RAPGEF6: variants seen among roughly 807,000 people sequenced by gnomAD.
RAPGEF6 encodes the protein PDZ domain containing guanine nucleotide exchange factor (GEF) 2.
In RAPGEF6, 56 loss-of-function variants were observed where a neutral mutation model predicts 171.4. That is an observed-to-expected ratio of 0.33 (90% confidence interval 0.26 to 0.41). The LOEUF is 0.41. Among genes scored for constraint, RAPGEF6 ranks in the 10% least tolerant of loss-of-function variants. The pLI is 1.00. For missense variants in RAPGEF6, 1,674 were observed against 1,921.4 expected, an observed-to-expected ratio of 0.87 and a Z score of 2.41; for synonymous variants, 692 against 650.1, an observed-to-expected ratio of 1.06 and a Z score of -0.98.
intron 6 of RAPGEF6, among the ~76,000 whole-genome samples, chr5:131,528,298 AAT>A (rs1307724358): frequency 9.9e-6 from 1 of 101,010 alleles, no homozygotes; most frequent in Non-Finnish European, 1.9e-5. Context: ...AATAAAATAA[AAT>A]AATATATTTA....
intron 4 of RAPGEF6, among the ~76,000 whole-genome samples, chr5:131,564,895 G>T (rs1336221193): frequency 6.6e-6 from 1 of 152,128 alleles, no homozygotes; most frequent in East Asian, 1.9e-4. Context: ...GTTAAAATTG[G>T]TGAGTAGCTT....
chr5:131,600,672 A>C (rs1258153781), intron 3 of RAPGEF6, among the ~76,000 whole-genome samples: 3 of 152,192 alleles, frequency 2.0e-5, no homozygotes, highest in East Asian at 3.9e-4. Context: ...GGAAAAAAAG[A>C]AACGTGATGG....
At chr5:131,580,381 G>A (rs1248268514) in intron 4 of RAPGEF6, among the ~76,000 whole-genome samples, 2 of 152,072 alleles carry the variant, frequency 1.3e-5, no homozygotes, top group Non-Finnish European at 2.9e-5. Flanking sequence ...CCGCACGAGC[G>A]CTGAGCGCAG....
intron 5 of RAPGEF6, among the ~76,000 whole-genome samples, chr5:131,554,608 C>T (rs1221758171): frequency 6.6e-6 from 1 of 152,160 alleles, no homozygotes; most frequent in Non-Finnish European, 1.5e-5. Flanking sequence ...CAACCTCCAC[C>T]TCCCGGGTTC....
chr5:131,590,329 G>A (rs577890329), intron 4 of RAPGEF6, among the ~76,000 whole-genome samples: 4 of 152,138 alleles, frequency 2.6e-5, no homozygotes, highest in African/African-American at 7.2e-5. Context: ...CCCAGAAGGC[G>A]CAGGTTGCAG....
intron 5 of RAPGEF6, among the ~76,000 whole-genome samples, chr5:131,555,429 T>A (rs979832182): frequency 6.6e-6 from 1 of 152,136 alleles, no homozygotes; most frequent in Non-Finnish European, 1.5e-5. Flanking sequence ...AAAATAGTCG[T>A]GTCAATGCTG....
At chr5:131,613,175 C>T (rs1765040056) in intron 1 of RAPGEF6, among the ~76,000 whole-genome samples, 1 of 152,146 alleles carries the variant, frequency 6.6e-6, no homozygotes, top group Non-Finnish European at 1.5e-5. Flanking sequence ...CTTTGGGAGG[C>T]CCAGGCAGGC....
rs776020219 is a variant in RAPGEF6, at chr5:131,439,622, T to C, written c.3704A>G (p.His1235Arg). The change falls in exon 24 of 28, where the codon CAT becomes CGT. Residue 1235 changes from histidine to arginine, a missense_variant. His to Arg is a conservative substitution (Grantham distance 29). Transcript: ENST00000509018. ...EDTISVASSL[H>R]SSPPASPQGS... ...TTGAGGAGATGCAGGAGGACTAGAA[T>C]GTAAAGATGACGCCACAGAAATAGT... 5.0e-6 allele frequency: 8 copies of C among 1,612,680 alleles called. No individual in the cohort carries two copies. The highest frequency in any genetic ancestry group is 8.5e-7 in the Non-Finnish European group (1 of 1,179,278).
At chr5:131,468,847 G>C (rs1048690527) in intron 17 of RAPGEF6, among the ~76,000 whole-genome samples, 1 of 152,136 alleles carries the variant, frequency 6.6e-6, no homozygotes, top group African/African-American at 2.4e-5. Context: ...GGTATATTAA[G>C]GATTGAAAAA....
chr5:131,496,996 G>A (rs1756682004), intron 12 of RAPGEF6, among the ~76,000 whole-genome samples: 1 of 151,750 alleles, frequency 6.6e-6, no homozygotes, highest in Non-Finnish European at 1.5e-5. Flanking sequence ...GGGTGGGGAG[G>A]AGGGTTCAAT....
intron 1 of RAPGEF6, among the ~76,000 whole-genome samples, chr5:131,628,979 A>G (rs1362367228): frequency 6.6e-6 from 1 of 152,190 alleles, no homozygotes; most frequent in African/African-American, 2.4e-5. Flanking sequence ...GAGGTACACA[A>G]GGAGATTAGT....
At chr5:131,570,942 CTTTT>C (rs767023216) in intron 4 of RAPGEF6, among the ~76,000 whole-genome samples, 1 of 128,550 alleles carries the variant, frequency 7.8e-6, no homozygotes, top group Non-Finnish European at 1.6e-5. Flanking sequence ...TCCCCAACTA[CTTTT>C]TTTTTTTTTT....
At chr5:131,632,121 T>C (rs1451322570) in intron 1 of RAPGEF6, among the ~76,000 whole-genome samples, 1 of 147,816 alleles carries the variant, frequency 6.8e-6, no homozygotes, top group Admixed American at 6.7e-5. Flanking sequence ...ATATCACTCC[T>C]CTGCTTCAAA....
rs1175317247 is a variant in RAPGEF6 at position 131,433,414 on chromosome 5, A to T, written c.3974+16T>A. On this transcript the variant is annotated intron_variant, in intron 25 of 27. Transcript: ENST00000509018. ...GGCTTGGGTTTTGTGTTATGAACACAGACAATGATGCTTACCCAGGGCCAT... is the reference window on the plus strand; with the variant it reads ...GGCTTGGGTTTTGTGTTATGAACACTGACAATGATGCTTACCCAGGGCCAT... 1 of 1,597,624 alleles carries T rather than the reference A, an allele frequency of 6.3e-7. No individual in the cohort carries two copies. Among genetic ancestry groups the T allele is most frequent in the Admixed American group, 1.7e-5 (1 of 59,970 alleles).
intron 5 of RAPGEF6, among the ~76,000 whole-genome samples, chr5:131,554,016 A>G (rs1312261683): frequency 6.6e-6 from 1 of 152,170 alleles, no homozygotes; most frequent in Non-Finnish European, 1.5e-5. Context: ...AAAGAGGATA[A>G]TGAAAAACTA....
intron 21 of RAPGEF6, among the ~76,000 whole-genome samples, chr5:131,452,351 G>A (rs2149823158): frequency 6.6e-6 from 1 of 151,980 alleles, no homozygotes; most frequent in South Asian, 2.1e-4. Flanking sequence ...GGTTAATACA[G>A]AACACAATAA....
intron 25 of RAPGEF6, among the ~76,000 whole-genome samples, chr5:131,432,659 C>T (rs1433786787): frequency 6.6e-6 from 1 of 151,784 alleles, no homozygotes; most frequent in African/African-American, 2.4e-5. Context: ...AAAAGTTTTA[C>T]TGGGACACAG....
chr5:131,551,337 C>A (rs541648700), intron 5 of RAPGEF6, among the ~76,000 whole-genome samples: 1 of 151,788 alleles, frequency 6.6e-6, no homozygotes, highest in Non-Finnish European at 1.5e-5. Flanking sequence ...GATGGCGAAA[C>A]CCCATCTCTA....
intron 5 of RAPGEF6, among the ~76,000 whole-genome samples, chr5:131,555,354 G>C (rs1423798658): frequency 7.2e-6 from 1 of 139,322 alleles, no homozygotes; most frequent in Non-Finnish European, 1.6e-5. Context: ...CTTTTGCAAT[G>C]AACAACCCTA....
Sources: gnomAD v4.1 joint callset for allele counts (sites outside exome capture counted in the v4.1 genomes callset) on GRCh38, gnomAD v4.1.1 for gene constraint, MANE v1.5 for transcripts, NCBI Gene and HGNC (gene_info 2026-07-23, HGNC 2026-07-21) for gene names.